ZMYM2: variants seen among roughly 807,000 people sequenced by gnomAD.
ZMYM2 encodes zinc finger MYM-type protein 2.
In ZMYM2, 56 loss-of-function variants were observed where a neutral mutation model predicts 162.8. The ratio of observed to expected loss-of-function variants is 0.34; its 90% CI spans 0.28 to 0.43. The LOEUF (loss-of-function observed/expected upper bound fraction) is 0.43. Ranked by LOEUF, ZMYM2 falls within the 20% of genes least tolerant of loss-of-function variation. The probability of loss-of-function intolerance (pLI) is 1.00; values close to 1 mark genes in which losing one functional copy is unlikely to be tolerated. For missense variants in ZMYM2, 1,275 were observed against 1,621.8 expected, an observed-to-expected ratio of 0.79 and a Z score of 3.67; for synonymous variants, 510 against 541.6, an observed-to-expected ratio of 0.94 and a Z score of 0.81.
intron 2 of ZMYM2, among the ~76,000 whole-genome samples, chr13:19,982,783 C>G (rs1482860618): frequency 1.3e-5 from 2 of 152,212 alleles, no homozygotes; most frequent in Non-Finnish European, 2.9e-5. Context: ...CATTTCAAAA[C>G]TTTGCTTCCT....
At chr13:20,080,131 T>C (rs1593275122) in intron 21 of ZMYM2, among the ~76,000 whole-genome samples, 1 of 152,176 alleles carries the variant, frequency 6.6e-6, no homozygotes, top group East Asian at 1.9e-4. Flanking sequence ...GTTTAGGAAA[T>C]GCTATTTTTA....
In ZMYM2 at chr13:19,972,617, A is replaced by G. The variant is rs540508758; in HGVS notation, c.-11+12591A>G. ...GACAGTCTGTTTCCAATTTTTTGCTATTGTAGATAATGCTGCAAGGAATAT... is the reference window on the plus strand; with the variant it reads ...GACAGTCTGTTTCCAATTTTTTGCTGTTGTAGATAATGCTGCAAGGAATAT... On this transcript the variant is annotated intron_variant, in intron 2 of 24. Coordinates refer to ENST00000610343, the MANE Select transcript of ZMYM2 (RefSeq NM_197968.4). 2.6e-5 allele frequency among the ~76,000 whole-genome samples: 4 copies of G among 152,196 alleles called. No individual in the cohort carries two copies. In the East Asian group the frequency reaches 5.8e-4, roughly 22 times the overall value.
chr13:19,932,857 T>TTTTG, the ZMYM2 span, among the ~76,000 whole-genome samples: 63 of 152,216 alleles, frequency 4.1e-4, no homozygotes, highest in East Asian at 9.3e-3. Context: ...GTCATGGTGT[T>TTTTG]TTTGTTTGTT....
At chr13:20,020,504 G>C (rs1008825991) in intron 7 of ZMYM2, among the ~76,000 whole-genome samples, 1 of 152,112 alleles carries the variant, frequency 6.6e-6, no homozygotes, top group African/African-American at 2.4e-5. Flanking sequence ...CGTTACAGGC[G>C]TGAGCCACCG....
chr13:19,880,430 A>ATTT, the ZMYM2 span, among the ~76,000 whole-genome samples: 46 of 150,986 alleles, frequency 3.0e-4, no homozygotes, highest in African/African-American at 9.8e-4. Flanking sequence ...TTGTAACTGA[A>ATTT]TTTTTTTTCT....
chr13:19,976,361 A>G (rs571871144), intron 2 of ZMYM2, among the ~76,000 whole-genome samples: 1 of 151,920 alleles, frequency 6.6e-6, no homozygotes, highest in East Asian at 1.9e-4. Context: ...AGAAAGAAAA[A>G]TAGCAATCCT....
At chr13:19,975,861 A>AATGTATGTATGT (rs71070281) in intron 2 of ZMYM2, among the ~76,000 whole-genome samples, 3,704 of 146,958 alleles carry the variant, frequency 0.025, 70 homozygotes, top group East Asian at 0.076. Context: ...CCATTTTTAA[A>AATGTATGTATGT]ATGTATGTAT....
chr13:19,973,532 G>A (rs1440543010), intron 2 of ZMYM2, among the ~76,000 whole-genome samples: 2 of 151,748 alleles, frequency 1.3e-5, no homozygotes, highest in African/African-American at 2.4e-5. Context: ...TTAGCAGGGC[G>A]TGGTGGTGTG....
chr13:19,993,832 A>T lies in ZMYM2; in HGVS notation c.760A>T (p.Thr254Ser), dbSNP rs1949814200. 1 of 1,614,040 alleles carries T rather than the reference A, an allele frequency of 6.2e-7. No homozygotes were observed. The highest frequency in any genetic ancestry group is 1.1e-5 in the South Asian group (1 of 91,082). The change falls in exon 3 of 25, where the codon ACT becomes TCT. Residue 254 changes from threonine to serine, a missense_variant. Transcript: ENST00000610343. ...CCCATCTTTAACTTCACAGACCAAG[A>T]CTGGAGTAGGACCTTTTAATCCTGG... is the stretch of plus-strand genomic sequence containing the variant. The part of the protein sequence containing the change: ...YTPSLTSQTK[T>S]GVGPFNPGRM...
At chr13:19,946,632 T>A in the ZMYM2 span, among the ~76,000 whole-genome samples, 5 of 152,242 alleles carry the variant, frequency 3.3e-5, no homozygotes, top group Admixed American at 2.0e-4. Context: ...ATACATCCCA[T>A]GAGGGTAGGA....
At chr13:19,933,105 C>T in the ZMYM2 span, among the ~76,000 whole-genome samples, 1 of 152,058 alleles carries the variant, frequency 6.6e-6, no homozygotes, top group Admixed American at 6.6e-5. Context: ...TGCACCACCA[C>T]TGTCAGCTAA....
chr13:19,911,505 A>C, the ZMYM2 span, among the ~76,000 whole-genome samples: 1 of 152,124 alleles, frequency 6.6e-6, no homozygotes, highest in East Asian at 1.9e-4. Flanking sequence ...AGGGACCTTT[A>C]GCTTTTTATC....
At chr13:20,068,803 G>A (rs1415458558) in intron 21 of ZMYM2, among the ~76,000 whole-genome samples, 2 of 152,098 alleles carry the variant, frequency 1.3e-5, no homozygotes, top group African/African-American at 4.8e-5. Context: ...GAGCACTAGC[G>A]TTGTGCCATA....
At chr13:19,923,596 C>T in the ZMYM2 span, among the ~76,000 whole-genome samples, 23 of 148,586 alleles carry the variant, frequency 1.5e-4, no homozygotes, top group African/African-American at 3.7e-4. Context: ...TGGGCTTAAG[C>T]GATCCTTACA....
chr13:20,026,682 T>G lies in ZMYM2; in HGVS notation c.1655T>G (p.Ile552Arg). 6.2e-7 allele frequency: 1 copy of G among 1,611,000 alleles called. No individual in the cohort carries two copies. The highest frequency in any genetic ancestry group is 8.5e-7 in the Non-Finnish European group (1 of 1,179,216). ...AGGTTTTTTGATATGACTCAGTGTA[T>G]AGGTCCTAATGGATATATGGAGCCA... is the stretch of plus-strand genomic sequence containing the variant. ...QCRFFDMTQC[I>R]GPNGYMEPYC... Residue 552 changes from isoleucine to arginine, a missense_variant, in exon 8 of 25, where the codon ATA (isoleucine) becomes AGA (arginine). Ile to Arg is a moderately conservative substitution (Grantham distance 97). This residue lies in a region of ZMYM2 where 276 missense variants were observed against 311.8 expected (regional missense o/e 0.89). Transcript: ENST00000610343.
the ZMYM2 span, among the ~76,000 whole-genome samples, chr13:19,899,356 C>T: frequency 6.6e-6 from 1 of 152,016 alleles, no homozygotes; most frequent in Non-Finnish European, 1.5e-5. Flanking sequence ...GAGAAATTTA[C>T]AGCTGTAAAA....
At chr13:19,880,673 C>A in the ZMYM2 span, among the ~76,000 whole-genome samples, 2 of 152,266 alleles carry the variant, frequency 1.3e-5, no homozygotes, top group African/African-American at 4.8e-5. Context: ...AGGCGATCCA[C>A]CCGCCTTGGA....
chr13:19,984,445 G>A (rs933758889), intron 2 of ZMYM2, among the ~76,000 whole-genome samples: 5 of 152,200 alleles, frequency 3.3e-5, no homozygotes, highest in African/African-American at 9.7e-5. Flanking sequence ...TAAGTATTTA[G>A]GAGTGTGCTA....
At chr13:19,868,321 A>G in the ZMYM2 span, among the ~76,000 whole-genome samples, 6 of 152,212 alleles carry the variant, frequency 3.9e-5, no homozygotes, top group African/African-American at 1.4e-4. Flanking sequence ...CTTTTAATCT[A>G]TCCTAGGTAT....
Sources: allele counts gnomAD v4.1 joint callset (sites outside exome capture counted in the v4.1 genomes callset), GRCh38; gene constraint gnomAD v4.1.1; regional missense constraint gnomAD v4.1.1; transcripts MANE v1.5; gene names NCBI Gene and HGNC (gene_info 2026-07-23, HGNC 2026-07-21).